SYNE1: variants seen among roughly 807,000 people sequenced by gnomAD.
SYNE1 encodes the protein nesprin-1.
A neutral mutation model predicts 1,111.0 loss-of-function variants in SYNE1; 616 were observed. The ratio of observed to expected loss-of-function variants is 0.55; its 90% CI spans 0.52 to 0.59. SYNE1 has a LOEUF of 0.59. Among genes scored for constraint, SYNE1 ranks in the 20% least tolerant of loss-of-function variants. The probability of loss-of-function intolerance (pLI) is 0.00; values close to 1 mark genes in which losing one functional copy is unlikely to be tolerated. For missense variants in SYNE1, 10,006 were observed against 10,417.0 expected, an observed-to-expected ratio of 0.96 and a Z score of 1.72; for synonymous variants, 3,855 against 3,825.8, an observed-to-expected ratio of 1.01 and a Z score of -0.28.
chr6:152,441,802 A>C (rs2098532904), intron 31 of SYNE1, among the ~76,000 whole-genome samples: 1 of 152,222 alleles, frequency 6.6e-6, no homozygotes, highest in Admixed American at 6.5e-5. Flanking sequence ...AGTGTGGATG[A>C]AATCCTGGCT....
At chr6:152,242,132 A>T in intron 107 of SYNE1, 108 bp downstream of exon 107, 1 of 1,108,458 alleles carries the variant, frequency 9.0e-7, no homozygotes. Flanking sequence ...TATACAAGTA[A>T]GAACTCATAA....
At chr6:152,320,728 T>A (rs1413130620) in intron 84 of SYNE1, among the ~76,000 whole-genome samples, 1 of 152,208 alleles carries the variant, frequency 6.6e-6, no homozygotes, top group African/African-American at 2.4e-5. Flanking sequence ...CCTTGGGTGT[T>A]TAGAAGCTAG....
At chr6:152,201,995 G>A in intron 126 of SYNE1, 46 bp from the exon 127 acceptor site, 1 of 1,606,846 alleles carries the variant, frequency 6.2e-7, no homozygotes, top group Non-Finnish European at 8.5e-7. Context: ...TTTGATGTAG[G>A]AAACTGGGGG....
At chr6:152,306,521 A>AATAT (rs2095383033) in intron 91 of SYNE1, among the ~76,000 whole-genome samples, 13 of 144,894 alleles carry the variant, frequency 9.0e-5, no homozygotes, top group Admixed American at 8.9e-4. Context: ...TAAATAAATA[A>AATAT]ATAAATACCT....
chr6:152,243,841 A>T (rs2086400976), intron 106 of SYNE1, among the ~76,000 whole-genome samples: 1 of 152,250 alleles, frequency 6.6e-6, no homozygotes, highest in Non-Finnish European at 1.5e-5. Context: ...TTGATCGAAC[A>T]TAACTGCTTG....
intron 115 of SYNE1, among the ~76,000 whole-genome samples, chr6:152,226,750 A>G (rs1210991732): frequency 6.6e-6 from 1 of 152,116 alleles, no homozygotes; most frequent in Non-Finnish European, 1.5e-5. Flanking sequence ...CTGGTGAGGG[A>G]TGGAGTGGGG....
chr6:152,550,888 G>T (rs1032884801), intron 3 of SYNE1, among the ~76,000 whole-genome samples: 1 of 152,062 alleles, frequency 6.6e-6, no homozygotes, highest in Non-Finnish European at 1.5e-5. Flanking sequence ...TCGGATAAAG[G>T]GTTGTGTGAA....
intron 122 of SYNE1, 22 bp downstream of exon 122, chr6:152,214,884 A>C (rs1348813745): frequency 6.2e-7 from 1 of 1,613,974 alleles, no homozygotes; most frequent in Admixed American, 1.7e-5. Context: ...GGAGCAACCA[A>C]GACATCTCTT....
rs1430373869 is a variant in SYNE1 at position 152,321,351 on chromosome 6, C to A, written c.16123G>T (p.Glu5375Ter). The part of the protein sequence containing the change: ...TEATNHRQNI[E>*]KMAEEQKEKY... ...TCCTTCTGTTCTTCTGCCATTTTTT[C>A]AATGTTCTGTCGGTGATTTGTGGCT... The change falls in exon 84 of 146, where the codon GAA becomes TAA. Residue 5375 changes from glutamate (E) to a stop codon, truncating the protein, a stop_gained. Transcript: ENST00000367255. LOFTEE classifies it high-confidence loss of function. 3 of 1,613,612 alleles carry A rather than the reference C, an allele frequency of 1.9e-6. No homozygotes were observed. The Admixed American group carries it at 5.0e-5, about 27-fold the overall frequency.
At position 152,409,572 on chromosome 6, in the gene SYNE1, C is replaced by G; in HGVS notation, c.6368G>C (p.Trp2123Ser). ...TTIKDQEDLK[W>S]AFSKHETAKN... Reference sequence around the variant, plus strand: ...TTTGAATTTTACCTTGGAAAAAGCCCATTTAAGATCCTCCTGATCTTTTAT... The same window carrying G: ...TTTGAATTTTACCTTGGAAAAAGCCGATTTAAGATCCTCCTGATCTTTTAT... Residue 2123 changes from tryptophan (W) to serine (S), a missense_variant, in exon 43 of 146, where the codon TGG becomes TCG. By Grantham distance (177) the Trp-to-Ser change is radical. This residue lies in a region of SYNE1 where 4,955 missense variants were observed against 5,017.2 expected (regional missense o/e 0.99). Coordinates refer to ENST00000367255, the MANE Select transcript of SYNE1 (RefSeq NM_182961.4). The G allele has an allele frequency of 6.2e-7, 1 of 1,613,616 alleles. No individual in the cohort carries two copies. Among genetic ancestry groups the G allele is most frequent in the Non-Finnish European group, 8.5e-7 (1 of 1,179,882 alleles).
chr6:152,269,052 C>T, intron 99 of SYNE1, 103 bp downstream of exon 99: 1 of 1,547,828 alleles, frequency 6.5e-7, no homozygotes, highest in Non-Finnish European at 8.9e-7. Context: ...AAGAGACACT[C>T]TGTCTTTAGT....
intron 36 of SYNE1, 103 bp downstream of exon 36, chr6:152,430,009 T>G: frequency 1.3e-6 from 1 of 790,928 alleles, no homozygotes; most frequent in Non-Finnish European, 2.2e-6. Context: ...TAAACATTTT[T>G]CCAATTTCAA....
At chr6:152,227,807 A>T (rs2081939766) in intron 115 of SYNE1, among the ~76,000 whole-genome samples, 1 of 152,172 alleles carries the variant, frequency 6.6e-6, no homozygotes, top group Non-Finnish European at 1.5e-5. Context: ...GTATGTTGGT[A>T]GAAGAGCAAA....
chr6:152,347,300 T>C (rs2096654345), intron 72 of SYNE1, 65 bp from the exon 73 acceptor site: 10 of 1,558,326 alleles, frequency 6.4e-6, no homozygotes, highest in Non-Finnish European at 8.8e-6. Context: ...TCCATCAAAG[T>C]TTAAGATAGA....
chr6:152,193,272 T>C lies in SYNE1; in HGVS notation c.23146-3865A>G, dbSNP rs57671796. ...AGGTTACCATGATGTTTTCAAATAATATCTTAATACACATTATTTTAAACT... is the reference window on the plus strand; with the variant it reads ...AGGTTACCATGATGTTTTCAAATAACATCTTAATACACATTATTTTAAACT... On this transcript the variant is annotated intron_variant, in intron 127 of 145. Transcript: ENST00000367255. Among the ~76,000 whole-genome samples, 25 of 152,326 alleles carry C rather than the reference T, an allele frequency of 1.6e-4. No homozygotes were observed. The East Asian group carries it at 4.4e-3, about 27-fold the overall frequency.
intron 11 of SYNE1, among the ~76,000 whole-genome samples, chr6:152,495,192 C>G (rs1267255603): frequency 6.6e-6 from 1 of 152,160 alleles, no homozygotes; most frequent in East Asian, 1.9e-4. Context: ...GGGAGTTCGC[C>G]CCTGCCCAGG....
At chr6:152,182,401 T>C (rs1275023282) in intron 128 of SYNE1, among the ~76,000 whole-genome samples, 2 of 152,194 alleles carry the variant, frequency 1.3e-5, no homozygotes, top group Non-Finnish European at 2.9e-5. Flanking sequence ...CATATCCCTA[T>C]TGATTTTATT....
chr6:152,281,755 A>T, intron 97 of SYNE1, 52 bp downstream of exon 97: 2 of 1,597,642 alleles, frequency 1.3e-6, no homozygotes, highest in African/African-American at 1.3e-5. Flanking sequence ...TCTGTAGTTT[A>T]AAAAAATGTG....
At position 152,140,293 on chromosome 6, in the gene SYNE1, T is replaced by C. The variant is rs1413436903; in HGVS notation, c.25247-132A>G. 4.7e-6 allele frequency: 4 copies of C among 854,736 alleles called. No homozygotes were observed. In the Admixed American group the frequency reaches 5.9e-5, roughly 13 times the overall value. 52.9% of individuals were successfully genotyped at this position (854,736 alleles called of 1,614,324 possible). ...AAAGTAATTCCACTGGGCATTTTCG[T>C]TGTTGTCATCTGGAAATAACAGTTA... is the stretch of plus-strand genomic sequence containing the variant. On this transcript the variant is annotated intron_variant, in intron 139 of 145. Transcript: ENST00000367255.
Sources: gnomAD v4.1 joint callset for allele counts (sites outside exome capture counted in the v4.1 genomes callset) on GRCh38, gnomAD v4.1.1 for gene constraint, gnomAD v4.1.1 regional missense constraint, MANE v1.5 for transcripts, NCBI Gene and HGNC (gene_info 2026-07-23, HGNC 2026-07-21) for gene names.